Variants in DENND5B observed in about 807,000 individuals in gnomAD.
The protein encoded by DENND5B is DENN domain-containing protein 5B.
Under a neutral mutation model 140.6 loss-of-function variants are expected in DENND5B, and 34 were observed. The observed-to-expected ratio is 0.24, with a 90% CI of 0.18 to 0.32. The LOEUF (loss-of-function observed/expected upper bound fraction) is 0.32. Ranked by LOEUF, DENND5B falls within the 10% of genes least tolerant of loss-of-function variation. The pLI is 1.00. For synonymous variants in DENND5B, 551 were observed against 562.1 expected (o/e 0.98, Z 0.28); for missense variants, 1,142 against 1,560.2 (o/e 0.73, Z 4.52).
intron 1 of DENND5B, among the ~76,000 whole-genome samples, chr12:31,520,562 A>G (rs1256100283): frequency 6.6e-6 from 1 of 152,116 alleles, no homozygotes; most frequent in Non-Finnish European, 1.5e-5. Flanking sequence ...TCTTTTTGAG[A>G]AAGAGTCTCA....
chr12:31,475,228 A>G (rs1322044023), intron 3 of DENND5B, among the ~76,000 whole-genome samples: 1 of 152,228 alleles, frequency 6.6e-6, no homozygotes, highest in Non-Finnish European at 1.5e-5. Context: ...GAGTGATTTT[A>G]GTGAATGGTT....
intron 1 of DENND5B, among the ~76,000 whole-genome samples, chr12:31,553,148 T>G (rs1949136043): frequency 6.6e-6 from 1 of 152,188 alleles, no homozygotes. Flanking sequence ...CTTTTAATTG[T>G]GATGTTAGGG....
chr12:31,472,969 T>C (rs1015406798), intron 3 of DENND5B, among the ~76,000 whole-genome samples: 3 of 151,506 alleles, frequency 2.0e-5, no homozygotes, highest in African/African-American at 7.3e-5. Flanking sequence ...AGATAGGGTC[T>C]CACTGTGTCA....
intron 2 of DENND5B, among the ~76,000 whole-genome samples, chr12:31,489,344 T>A (rs535334413): frequency 1.3e-5 from 2 of 151,708 alleles, no homozygotes; most frequent in East Asian, 3.9e-4. Context: ...TTGCATTAGA[T>A]CTTGGTAACT....
At chr12:31,421,794 C>T (rs956157169) in intron 11 of DENND5B, among the ~76,000 whole-genome samples, 3 of 152,134 alleles carry the variant, frequency 2.0e-5, no homozygotes, top group Non-Finnish European at 4.4e-5. Flanking sequence ...TCAGGTGATC[C>T]GCCTGCCTTG....
rs1213037647 is a variant in DENND5B, at chr12:31,417,301, G to T, written c.2471-1853C>A. Among the ~76,000 whole-genome samples, 7 of 137,182 alleles carry T rather than the reference G, an allele frequency of 5.1e-5. No homozygotes were observed. In the Admixed American group the frequency reaches 5.5e-4, roughly 11 times the overall value. The allele number at this position is 137,182 out of a possible 152,430, so 90.0% of individuals were successfully genotyped here. ...GAACCCGGGATGCAGAGTTTGCAGT[G>T]AGCCAAGATCATGCCACTGCACTCC... On this transcript the variant is annotated intron_variant, in intron 11 of 20. Transcript: ENST00000389082.
chr12:31,505,049 TG>T (rs1947142718), intron 1 of DENND5B, among the ~76,000 whole-genome samples: 1 of 152,210 alleles, frequency 6.6e-6, no homozygotes, highest in Admixed American at 6.5e-5. Flanking sequence ...TGAAGTATTA[TG>T]GGGTTGTTAT....
chr12:31,412,940 TGA>T (rs1942542836), intron 13 of DENND5B, among the ~76,000 whole-genome samples: 1 of 152,106 alleles, frequency 6.6e-6, no homozygotes, highest in East Asian at 1.9e-4. Flanking sequence ...CTTTTTTTTT[TGA>T]GATGGTCTTG....
intron 14 of DENND5B, among the ~76,000 whole-genome samples, chr12:31,404,588 G>A (rs11608924): frequency 0.15 from 23,495 of 151,728 alleles, 2,086 homozygotes; most frequent in East Asian, 0.25. Flanking sequence ...CAAGTAGCTG[G>A]GATTACAGGC....
At chr12:31,548,857 T>G (rs1279370304) in intron 1 of DENND5B, among the ~76,000 whole-genome samples, 1 of 152,186 alleles carries the variant, frequency 6.6e-6, no homozygotes, top group African/African-American at 2.4e-5. Context: ...TGGTTCCTTT[T>G]GGCATAACAT....
intron 3 of DENND5B, among the ~76,000 whole-genome samples, chr12:31,463,199 C>T (rs1393714430): frequency 1.3e-5 from 2 of 152,170 alleles, no homozygotes; most frequent in African/African-American, 2.4e-5. Flanking sequence ...GCAGAGGTTG[C>T]AGTGAGCTGC....
chr12:31,443,247 G>C (rs929120277), intron 6 of DENND5B, among the ~76,000 whole-genome samples: 1 of 152,118 alleles, frequency 6.6e-6, no homozygotes, highest in East Asian at 1.9e-4. Context: ...AGCTAGTTTT[G>C]TATTTTTAGT....
intron 1 of DENND5B, among the ~76,000 whole-genome samples, chr12:31,587,610 C>T (rs1240980582): frequency 1.4e-5 from 2 of 138,382 alleles, no homozygotes; most frequent in East Asian, 4.3e-4. Flanking sequence ...TGCAGTGGCA[C>T]GATCTCAGCT....
Position 31,461,835 on chromosome 12 carries a change from T to C in DENND5B, c.905-1454A>G, listed in dbSNP as rs1244049041. Among the ~76,000 whole-genome samples, 26 of 152,130 alleles carry C rather than the reference T, an allele frequency of 1.7e-4. 1 individual carries two copies. The highest frequency in any genetic ancestry group is 1.5e-3 in the Admixed American group (23 of 15,264). On this transcript the variant is annotated intron_variant, in intron 3 of 20. Transcript: ENST00000389082. ...ACTGTGAACAAACACAGTAAAATCT[T>C]TGGGAGGAAGAATTTAGGGGAGTCT...
In DENND5B at chr12:31,382,413, TAAC is replaced by T. The variant is rs1333829522; in HGVS notation, c.*5187_*5189del. ...AAAATCCAGTTCTGATGCATTTTGC[TAAC>T]AATACAAAGAAAAACAATATAATTT... On this transcript the variant is annotated 3_prime_UTR_variant, in exon 21 of 21. Transcript: ENST00000389082. The T allele has an allele frequency of 1.3e-5, 2 of 152,110 alleles. No individual in the cohort carries two copies. The highest frequency in any genetic ancestry group is 2.9e-5 in the Non-Finnish European group (2 of 68,028). 9.4% of individuals were successfully genotyped at this position (152,110 alleles called of 1,614,324 possible). A position where few individuals can be genotyped will look rare whatever the true frequency, so the allele number is the denominator to read the frequency against.
intron 7 of DENND5B, among the ~76,000 whole-genome samples, chr12:31,442,548 GA>G (rs1243481720): frequency 7.6e-5 from 11 of 144,200 alleles, no homozygotes; most frequent in African/African-American, 2.3e-4. Context: ...GCTTGAAAAA[GA>G]AAAAAAAATC....
chr12:31,409,425 G>GAAA, intron 13 of DENND5B, 41 bp from the exon 14 acceptor site: 57 of 1,032,858 alleles, frequency 5.5e-5, no homozygotes, highest in Admixed American at 3.3e-4. Context: ...TAGTATCAAA[G>GAAA]AAAAAAAAAA....
intron 14 of DENND5B, among the ~76,000 whole-genome samples, chr12:31,406,233 C>A (rs1356668121): frequency 1.3e-5 from 2 of 151,900 alleles, no homozygotes; most frequent in Non-Finnish European, 2.9e-5. Flanking sequence ...GTGTTAGAAG[C>A]CCTCCGTGAA....
chr12:31,556,901 G>A (rs1469071756), intron 1 of DENND5B, among the ~76,000 whole-genome samples: 3 of 151,982 alleles, frequency 2.0e-5, no homozygotes, highest in African/African-American at 7.3e-5. Flanking sequence ...GTGACTTGAA[G>A]GAATCATTAA....
Sources: allele counts gnomAD v4.1 joint callset (sites outside exome capture counted in the v4.1 genomes callset), GRCh38; gene constraint gnomAD v4.1.1; transcripts MANE v1.5; gene names NCBI Gene and HGNC (gene_info 2026-07-23, HGNC 2026-07-21).